SEC31A: variants seen among roughly 807,000 people sequenced by gnomAD.
SEC31A encodes protein transport protein Sec31A.
In SEC31A, 70 loss-of-function variants were observed where a neutral mutation model predicts 151.0. The observed-to-expected ratio is 0.46, with a 90% confidence interval of 0.38 to 0.57. SEC31A has a LOEUF of 0.57. Among genes scored for constraint, SEC31A ranks in the 20% least tolerant of loss-of-function variants. The pLI, the probability that SEC31A is intolerant of heterozygous loss-of-function variation, is 0.00. For missense variants in SEC31A, 1,330 were observed against 1,471.2 expected (o/e 0.90, Z 1.57); for synonymous variants, 475 against 505.9 (o/e 0.94, Z 0.82).
intron 14 of SEC31A, among the ~76,000 whole-genome samples, chr4:82,858,771 C>G (rs1329489643): frequency 6.6e-6 from 1 of 151,302 alleles, no homozygotes; most frequent in South Asian, 2.1e-4. Context: ...GGCGCACTCT[C>G]GGCTCACTGC....
chr4:82,891,319 G>T, upstream of SEC31A: 3 of 828,630 alleles, frequency 3.6e-6, no homozygotes, highest in Non-Finnish European at 5.6e-6. Flanking sequence ...GGTAGCCTGG[G>T]AGGCGGGGTA....
In SEC31A at chr4:82,866,957, A is replaced by T. The variant is rs1440804991; in HGVS notation, c.1048T>A (p.Ser350Thr). ...GGATCAAGATTCCCAAAAGATGATG[A>T]AAGCTAAAAAAGATAATAATAACAT... ...GLRQKQVDKL[S>T]SSFGNLDPFG... Residue 350 changes from serine (S) to threonine (T), a missense_variant, in exon 10 of 27, where the codon TCA becomes ACA. Ser to Thr is a moderately conservative substitution (Grantham distance 58). Coordinates refer to ENST00000395310, the MANE Select transcript of SEC31A (RefSeq NM_001077207.4). The T allele has an allele frequency of 1.2e-6, 2 of 1,606,106 alleles. No individual in the cohort carries two copies. The highest frequency in any genetic ancestry group is 1.7e-6 in the Non-Finnish European group (2 of 1,178,144).
intron 22 of SEC31A, among the ~76,000 whole-genome samples, chr4:82,833,298 C>G (rs1726415035): frequency 6.6e-6 from 1 of 152,082 alleles, no homozygotes; most frequent in Non-Finnish European, 1.5e-5. Flanking sequence ...AGCAAACTAT[C>G]ACAAGATCAG....
chr4:82,842,397 G>C lies in SEC31A; in HGVS notation c.2711C>G (p.Ser904Ter). The change falls in exon 22 of 27, where the codon TCA becomes TGA. Residue 904 changes from serine (S) to a stop codon, truncating the protein, a stop_gained. Coordinates refer to ENST00000395310, the MANE Select transcript of SEC31A (RefSeq NM_001077207.4). LOFTEE classifies it high-confidence loss of function. ...RPQQPVAPPT[S>*]NAYPNTPYIS... The stretch of plus-strand genomic sequence containing the variant: ...GTAAGGGGTGTTAGGGTAAGCGTTT[G>C]AAGTAGGAGGAGCAACAGGCTGCTG... 1 of 1,613,946 alleles carries C rather than the reference G, an allele frequency of 6.2e-7. No homozygotes were observed.
intron 25 of SEC31A, among the ~76,000 whole-genome samples, chr4:82,822,571 T>G (rs774409706): frequency 6.6e-6 from 1 of 152,204 alleles, no homozygotes; most frequent in Non-Finnish European, 1.5e-5. Flanking sequence ...AAAATTACTT[T>G]GTGCTGTTTA....
In SEC31A at chr4:82,874,625, C is replaced by A; in HGVS notation, c.625G>T (p.Asp209Tyr). Residue 209 changes from aspartate to tyrosine, a missense_variant, in exon 6 of 27, where the codon GAC becomes TAC. Coordinates refer to ENST00000395310, the MANE Select transcript of SEC31A (RefSeq NM_001077207.4). The stretch of plus-strand genomic sequence containing the variant: ...CACATACTTACTCTGTTACTATGGT[C>A]ACTGACTTTGATGATTGGCTCATTT... ...RKNEPIIKVS[D>Y]HSNRMHCSGL... 6.2e-7 allele frequency: 1 copy of A among 1,609,832 alleles called. No homozygotes were observed. Among genetic ancestry groups the A allele is most frequent in the South Asian group, 1.1e-5 (1 of 89,918 alleles).
intron 1 of SEC31A, among the ~76,000 whole-genome samples, chr4:82,883,911 C>A (rs547707081): frequency 6.6e-6 from 1 of 150,668 alleles, no homozygotes; most frequent in African/African-American, 2.4e-5. Flanking sequence ...TTTTGTATGA[C>A]TATGGGTAAA....
chr4:82,888,951 T>C (rs933084536), intron 1 of SEC31A, among the ~76,000 whole-genome samples: 2 of 152,202 alleles, frequency 1.3e-5, no homozygotes, highest in South Asian at 2.1e-4. Context: ...AAAGAGGTAA[T>C]AGAATTGGAA....
At position 82,884,440 on chromosome 4, in the gene SEC31A, G is replaced by A. The variant is rs1413304121; in HGVS notation, c.-4-2500C>T. Among the ~76,000 whole-genome samples the A allele has an allele frequency of 2.0e-5, 3 of 152,206 alleles. No individual in the cohort carries two copies. The East Asian group carries it at 5.8e-4, about 29-fold the overall frequency. ...TTTAGAGTTTTACGTTCCTAGAAAA[G>A]TTGAGCCACAAAGTACAAAAAATTG... On this transcript the variant is annotated intron_variant, in intron 1 of 26. Transcript: ENST00000395310.
upstream of SEC31A, chr4:82,894,384 G>A: frequency 6.6e-6 from 1 of 152,266 alleles, no homozygotes. Flanking sequence ...AATTTCCATT[G>A]AAAGCTCTAT....
intron 20 of SEC31A, among the ~76,000 whole-genome samples, chr4:82,848,166 G>A (rs1205036067): frequency 7.3e-6 from 1 of 137,206 alleles, no homozygotes; most frequent in Non-Finnish European, 1.5e-5. Context: ...GTTTCCATGT[G>A]AAACAGTAAA....
intron 6 of SEC31A, among the ~76,000 whole-genome samples, chr4:82,874,113 C>T (rs1737390109): frequency 6.6e-6 from 1 of 152,224 alleles, no homozygotes; most frequent in South Asian, 2.1e-4. Context: ...GCCAGACCAA[C>T]ATGGTGAAAC....
chr4:82,870,716 A>G (rs761639827), intron 7 of SEC31A, among the ~76,000 whole-genome samples: 89 of 152,294 alleles, frequency 5.8e-4, no homozygotes, highest in Middle Eastern at 3.4e-3. Flanking sequence ...TAAAATAAAA[A>G]AAGAAAAACA....
chr4:82,864,623 T>G, intron 10 of SEC31A, 25 bp from the exon 11 acceptor site: 2 of 1,604,560 alleles, frequency 1.2e-6, no homozygotes, highest in Non-Finnish European at 1.7e-6. Context: ...ATGAACAAAC[T>G]CAGTGTTAAC....
At chr4:82,853,137 A>G (rs1046198702) in intron 18 of SEC31A, among the ~76,000 whole-genome samples, 1 of 152,198 alleles carries the variant, frequency 6.6e-6, no homozygotes, top group Non-Finnish European at 1.5e-5. Context: ...CCTCTGCTAC[A>G]TGGGATTCCA....
At chr4:82,890,340 C>A (rs1742046932) in intron 1 of SEC31A, among the ~76,000 whole-genome samples, 1 of 151,816 alleles carries the variant, frequency 6.6e-6, no homozygotes, top group East Asian at 1.9e-4. Context: ...ACAAAGACAA[C>A]CAAATTTCAG....
chr4:82,862,584 A>G lies in SEC31A; in HGVS notation c.1510-12T>C. 6.2e-7 allele frequency: 1 copy of G among 1,611,574 alleles called. No individual in the cohort carries two copies. Among genetic ancestry groups the G allele is most frequent in the Non-Finnish European group, 8.5e-7 (1 of 1,177,814 alleles). ...AAGGCCAAAGCAATCTGAAATAAAA[A>G]TAACAGCTCACCTACTACATGGAAT... On this transcript the variant is annotated splice_polypyrimidine_tract_variant and intron_variant, in intron 12 of 26. Coordinates refer to ENST00000395310, the MANE Select transcript of SEC31A (RefSeq NM_001077207.4).
intron 3 of SEC31A, among the ~76,000 whole-genome samples, chr4:82,879,328 CTTTA>C (rs545910431): frequency 6.4e-4 from 92 of 143,486 alleles, no homozygotes; most frequent in African/African-American, 2.3e-3. Flanking sequence ...TAAAAACACT[CTTTA>C]TTTGACTATA....
intron 22 of SEC31A, among the ~76,000 whole-genome samples, chr4:82,836,839 A>G (rs1727433308): frequency 6.6e-6 from 1 of 152,120 alleles, no homozygotes; most frequent in Non-Finnish European, 1.5e-5. Flanking sequence ...TGACATCACA[A>G]CAGGGTGACT....
Sources: gnomAD v4.1 joint callset for allele counts (sites outside exome capture counted in the v4.1 genomes callset) on GRCh38, gnomAD v4.1.1 for gene constraint, MANE v1.5 for transcripts, NCBI Gene and HGNC (gene_info 2026-07-23, HGNC 2026-07-21) for gene names.